The following ERBB4 variants were observed in gnomAD, a reference collection of about 807,000 sequenced individuals.
ERBB4 encodes receptor tyrosine-protein kinase erbB-4.
A neutral mutation model predicts 158.0 loss-of-function variants in ERBB4; 42 were observed. That is an observed-to-expected ratio of 0.27 (90% CI 0.21 to 0.34). The LOEUF is 0.34. Among genes scored for constraint, ERBB4 ranks in the 10% least tolerant of loss-of-function variants. The pLI is 1.00. For missense variants in ERBB4, 1,333 were observed against 1,624.1 expected, an observed-to-expected ratio of 0.82 and a Z score of 3.08; for synonymous variants, 583 against 558.7, an observed-to-expected ratio of 1.04 and a Z score of -0.61.
intron 4 of ERBB4, among the ~76,000 whole-genome samples, chr2:211,759,828 TGTGTG>T: frequency 6.6e-6 from 1 of 151,702 alleles, no homozygotes; most frequent in Admixed American, 6.6e-5. Context: ...TGTGTGTGTG[TGTGTG>T]TGTGTGTTGC....
chr2:212,068,628 T>C lies in ERBB4; in HGVS notation c.234+56124A>G, dbSNP rs536509755. Among the ~76,000 whole-genome samples, 5 of 152,196 alleles carry C rather than the reference T, an allele frequency of 3.3e-5. No individual in the cohort carries two copies. In the South Asian group the frequency reaches 1.0e-3, roughly 32 times the overall value. On this transcript the variant is annotated intron_variant, in intron 2 of 27. Transcript: ENST00000342788. ...TCAATTACTTTCCTATGGCTCTGTC[T>C]CTCTGTACCTGCCTTACAAGAAAAG...
intron 1 of ERBB4, among the ~76,000 whole-genome samples, chr2:212,372,629 G>C (rs1430581185): frequency 3.3e-5 from 5 of 152,014 alleles, no homozygotes; most frequent in African/African-American, 4.8e-5. Context: ...TGCACCTGTA[G>C]TCCCAGGTAC....
chr2:212,039,504 A>C (rs1304269677), intron 2 of ERBB4, among the ~76,000 whole-genome samples: 1 of 152,160 alleles, frequency 6.6e-6, no homozygotes, highest in Non-Finnish European at 1.5e-5. Flanking sequence ...ATTTTAAAAG[A>C]AAGTCACAAC....
chr2:212,513,497 G>A (rs1691642470), intron 1 of ERBB4, among the ~76,000 whole-genome samples: 1 of 152,156 alleles, frequency 6.6e-6, no homozygotes, highest in Non-Finnish European at 1.5e-5. Flanking sequence ...TTAAATATGA[G>A]AGTAAAACAC....
chr2:211,644,471 C>G lies in ERBB4; in HGVS notation c.1946+13283G>C, dbSNP rs570411799. 3.3e-5 allele frequency among the ~76,000 whole-genome samples: 5 copies of G among 151,824 alleles called. No individual in the cohort carries two copies. In the South Asian group the frequency reaches 8.3e-4, roughly 25 times the overall value. ...ATGTAAGAGAAAAAAAAAATCGAAC[C>G]TAAGCATTTCAAACAACATTGAAAT... On this transcript the variant is annotated intron_variant, in intron 16 of 27. Coordinates refer to ENST00000342788, the MANE Select transcript of ERBB4 (RefSeq NM_005235.3).
chr2:211,464,327 G>A (rs191195521), intron 20 of ERBB4, among the ~76,000 whole-genome samples: 89 of 152,276 alleles, frequency 5.8e-4, no homozygotes, highest in South Asian at 2.1e-4. Context: ...GAGGCACTGC[G>A]TAGAGTTATG....
At chr2:211,403,033 G>A (rs961349318) in intron 25 of ERBB4, among the ~76,000 whole-genome samples, 1 of 151,778 alleles carries the variant, frequency 6.6e-6, no homozygotes, top group African/African-American at 2.4e-5. Context: ...ATGATTTGGG[G>A]GTTTTATAAA....
In ERBB4 at chr2:211,987,185, G is replaced by A. The variant is rs374611078; in HGVS notation, c.235-39569C>T. Among the ~76,000 whole-genome samples, 53 of 152,016 alleles carry A rather than the reference G, an allele frequency of 3.5e-4. No homozygotes were observed. In the East Asian group the frequency reaches 3.5e-3, roughly 10 times the overall value. On this transcript the variant is annotated intron_variant, in intron 2 of 27. Coordinates refer to ENST00000342788, the MANE Select transcript of ERBB4 (RefSeq NM_005235.3). The stretch of plus-strand genomic sequence containing the variant: ...AACACACAAAAATTAGCCAGGCTTG[G>A]TGGCAGATGCCTGTAGTCCCAGCTT...
intron 2 of ERBB4, among the ~76,000 whole-genome samples, chr2:211,996,851 C>A (rs995842767): frequency 8.5e-5 from 13 of 152,174 alleles, no homozygotes; most frequent in African/African-American, 2.7e-4. Context: ...TTTAATCAGT[C>A]ACTACATGAA....
At chr2:212,345,513 T>TA (rs1210381146) in intron 1 of ERBB4, among the ~76,000 whole-genome samples, 2 of 151,966 alleles carry the variant, frequency 1.3e-5, no homozygotes, top group Non-Finnish European at 2.9e-5. Flanking sequence ...GGCAAAGCTT[T>TA]AAAAAATGGA....
intron 18 of ERBB4, 83 bp downstream of exon 18, chr2:211,623,839 C>G: frequency 7.3e-7 from 1 of 1,372,490 alleles, no homozygotes; most frequent in Admixed American, 1.8e-5. Context: ...ATTAGGTTGT[C>G]TAAAGTAATA....
At chr2:211,784,329 CATGT>C (rs2106309479) in intron 4 of ERBB4, among the ~76,000 whole-genome samples, 2 of 152,306 alleles carry the variant, frequency 1.3e-5, no homozygotes, top group African/African-American at 4.8e-5. Flanking sequence ...TGAGTTACTT[CATGT>C]AAGTGAAATC....
At chr2:212,162,929 C>T (rs1157774728) in intron 1 of ERBB4, among the ~76,000 whole-genome samples, 1 of 151,898 alleles carries the variant, frequency 6.6e-6, no homozygotes, top group Non-Finnish European at 1.5e-5. Flanking sequence ...AAGTAGTTCT[C>T]TTGGTCTTCT....
chr2:212,233,289 T>TC (rs1307093063), intron 1 of ERBB4, among the ~76,000 whole-genome samples: 1 of 152,166 alleles, frequency 6.6e-6, no homozygotes, highest in Non-Finnish European at 1.5e-5. Flanking sequence ...CTAACCCCAC[T>TC]CATTTAGGAG....
At chr2:212,387,203 CATG>C (rs1186503470) in intron 1 of ERBB4, among the ~76,000 whole-genome samples, 2 of 152,048 alleles carry the variant, frequency 1.3e-5, no homozygotes, top group African/African-American at 4.8e-5. Flanking sequence ...GTGTATGGAA[CATG>C]ATAATATCTT....
At position 211,466,425 on chromosome 2, in the gene ERBB4, A is replaced by G. The variant is rs183383990; in HGVS notation, c.2488-35325T>C. 2.6e-3 allele frequency among the ~76,000 whole-genome samples: 396 copies of G among 151,220 alleles called. 2 individuals carry two copies. The highest frequency in any genetic ancestry group is 9.2e-3 in the African/African-American group (377 of 41,132). ...TATCTTTTCCAAATTTGTAGTTAAC[A>G]TCCTTGTTATTGTCAAAGAATTCAA... is the stretch of plus-strand genomic sequence containing the variant. On this transcript the variant is annotated intron_variant, in intron 20 of 27. Coordinates refer to ENST00000342788, the MANE Select transcript of ERBB4 (RefSeq NM_005235.3).
At chr2:212,276,454 G>A (rs2085539524) in intron 1 of ERBB4, among the ~76,000 whole-genome samples, 1 of 151,672 alleles carries the variant, frequency 6.6e-6, no homozygotes, top group African/African-American at 2.4e-5. Context: ...AGCAAAAATA[G>A]ATTAGGTAAT....
intron 1 of ERBB4, among the ~76,000 whole-genome samples, chr2:212,208,169 G>C (rs748999955): frequency 6.6e-6 from 1 of 152,086 alleles, no homozygotes; most frequent in Non-Finnish European, 1.5e-5. Context: ...AACTAATTGA[G>C]GATTAGTCGC....
At chr2:212,371,651 G>A (rs1026154943) in intron 1 of ERBB4, among the ~76,000 whole-genome samples, 3 of 152,132 alleles carry the variant, frequency 2.0e-5, no homozygotes, top group East Asian at 1.9e-4. Context: ...CTGCCAGATG[G>A]TCAGTTAAGC....
Sources: gnomAD v4.1 joint callset for allele counts (sites outside exome capture counted in the v4.1 genomes callset) on GRCh38, gnomAD v4.1.1 for gene constraint, MANE v1.5 for transcripts, NCBI Gene and HGNC (gene_info 2026-07-23, HGNC 2026-07-21) for gene names.